The following ABTB1 variants were observed in gnomAD, a reference collection of about 807,000 sequenced individuals.
The protein encoded by ABTB1 is ankyrin repeat and BTB domain containing 1.
In ABTB1, 45 loss-of-function variants were observed where a neutral mutation model predicts 57.1. The observed-to-expected ratio is 0.79, with a 90% confidence interval of 0.62 to 1.01. The LOEUF (loss-of-function observed/expected upper bound fraction) is 1.01, where lower values mean the gene tolerates loss of function less well. ABTB1 is among the 50% of genes least tolerant of loss of function. The probability of loss-of-function intolerance (pLI) is 0.00; values close to 1 mark genes in which losing one functional copy is unlikely to be tolerated. For missense variants in ABTB1, 630 were observed against 666.3 expected (o/e 0.95, Z 0.60); for synonymous variants, 302 against 275.4 (o/e 1.10, Z -0.95).
chr3:127,675,967 C>A lies in ABTB1; in HGVS notation c.176-3C>A. Reference sequence around the variant, plus strand: ...GCTAACTGGTGAGCCCTGCCTCCCCCAGGAGCCCGCTGCGAGGCCAACACC... The same window carrying A: ...GCTAACTGGTGAGCCCTGCCTCCCCAAGGAGCCCGCTGCGAGGCCAACACC... On this transcript the variant is annotated splice_region_variant and splice_polypyrimidine_tract_variant and intron_variant, in intron 3 of 11. Transcript: ENST00000232744. 1 of 1,604,324 alleles carries A rather than the reference C, an allele frequency of 6.2e-7. No homozygotes were observed. The highest frequency in any genetic ancestry group is 8.5e-7 in the Non-Finnish European group (1 of 1,173,414).
chr3:127,674,464 G>A lies in ABTB1; in HGVS notation c.119+11G>A. ...GGACAGCACCCCCTTGTGAGTGCTGGAGAGAGGGGTGGGGAGGGTGGGGGT... is the reference window on the plus strand; with the variant it reads ...GGACAGCACCCCCTTGTGAGTGCTGAAGAGAGGGGTGGGGAGGGTGGGGGT... On this transcript the variant is annotated intron_variant, in intron 2 of 11. Coordinates refer to ENST00000232744, the MANE Select transcript of ABTB1 (RefSeq NM_172027.3). The A allele has an allele frequency of 9.5e-7, 1 of 1,054,188 alleles. No homozygotes were observed. The highest frequency in any genetic ancestry group is 2.2e-4 in the Middle Eastern group (1 of 4,504). The allele number at this position is 1,054,188 out of a possible 1,614,324, so 65.3% of individuals were successfully genotyped here. A position where few individuals can be genotyped will look rare whatever the true frequency, so the allele number is the denominator to read the frequency against.
At chr3:127,674,710 A>G in intron 3 of ABTB1, 110 bp downstream of exon 3, 3 of 1,318,922 alleles carry the variant, frequency 2.3e-6, no homozygotes, top group Admixed American at 3.5e-5. Context: ...TTTGCAAAGC[A>G]CCACGATTCC....
chr3:127,678,201 G>T, intron 10 of ABTB1: 1 of 262,352 alleles, frequency 3.8e-6, no homozygotes, highest in Admixed American at 4.9e-5. Flanking sequence ...TTCCCTTGCT[G>T]CCTGCCTCTG....
In ABTB1 at chr3:127,676,560, C is replaced by T. The variant is rs755421054; in HGVS notation, c.505C>T (p.Leu169=). 1 of 1,613,930 alleles carries T rather than the reference C, an allele frequency of 6.2e-7. No homozygotes were observed. Among genetic ancestry groups the T allele is most frequent in the Non-Finnish European group, 8.5e-7 (1 of 1,180,004 alleles). Residue 169 remains leucine, a synonymous_variant, in exon 6 of 12, where the codon CTG becomes TTG. Transcript: ENST00000232744. The surrounding 1 kb of genome is among the most constrained non-coding windows in gnomAD (Gnocchi z 5.4). ...GATCAACCCCGTGGCCTTTGGGGCC[C>T]TGCTGCAGTACCTGTACACAGGTGA... The part of the protein sequence containing the change: ...PLINPVAFGA[L]LQYLYTGRLD...
At position 127,680,066 on chromosome 3, in the gene ABTB1, A is replaced by C; in HGVS notation, c.1111A>C (p.Ser371Arg). 1.2e-6 allele frequency: 2 copies of C among 1,613,818 alleles called. No homozygotes were observed. The highest frequency in any genetic ancestry group is 1.7e-6 in the Non-Finnish European group (2 of 1,180,028). ...LPGLKRLCGR[S>R]LAQMLDEDTV... ...AGGCCTGAAGAGGCTGTGCGGCCGC[A>C]GCCTGGCTCAGATGCTAGACGAGGA... Residue 371 changes from serine (S) to arginine (R), a missense_variant, in exon 11 of 12, where the codon AGC (serine) becomes CGC (arginine). Around this residue, in one of 3 missense-constraint regions of ABTB1, gnomAD observed 579 missense variants for 585.9 expected, o/e 0.99. Transcript: ENST00000232744.
intron 1 of ABTB1, chr3:127,674,131 G>A: frequency 1.9e-6 from 1 of 528,984 alleles, no homozygotes; most frequent in South Asian, 2.0e-5. Context: ...CTCGGCACTG[G>A]CTCTGGCTTC....
intron 1 of ABTB1, 124 bp downstream of exon 1, chr3:127,673,205 G>T: frequency 9.1e-7 from 1 of 1,103,490 alleles, no homozygotes; most frequent in South Asian, 2.2e-5. Flanking sequence ...ACAGCCCTCG[G>T]AGCGCCCCCG....
intron 1 of ABTB1, 23 bp downstream of exon 1, chr3:127,673,104 G>T (rs1193165943): frequency 7.9e-6 from 12 of 1,519,316 alleles, no homozygotes; most frequent in Non-Finnish European, 9.7e-6. Context: ...CAGTCCCGGG[G>T]AGGGTGCGGG....
rs150576233 is a variant in ABTB1 at position 127,679,112 on chromosome 3, C to T, written c.1030-873C>T. The T allele has an allele frequency of 3.8e-3, 623 of 165,984 alleles. 2 individuals are homozygous for T. The highest frequency in any genetic ancestry group is 0.014 in the African/African-American group (584 of 41,654). The allele number at this position is 165,984 out of a possible 1,614,324, so 10.3% of individuals were successfully genotyped here. A position where few individuals can be genotyped will look rare whatever the true frequency, so the allele number is the denominator to read the frequency against. On this transcript the variant is annotated intron_variant, in intron 10 of 11. Transcript: ENST00000232744. ...GAGAAGCTCCCTCTTCAAGGAGCCT[C>T]GCCACCCAAAGGGCACCTTGTCTCA...
At chr3:127,674,687 G>C in intron 3 of ABTB1, 87 bp downstream of exon 3, 2 of 1,493,082 alleles carry the variant, frequency 1.3e-6, no homozygotes, top group Non-Finnish European at 1.9e-6. Context: ...GCATTCAAAG[G>C]CCTTGATACA....
chr3:127,675,451 A>AT lies in ABTB1; in HGVS notation c.176-511dup, dbSNP rs200884492. On this transcript the variant is annotated intron_variant, in intron 3 of 11. Transcript: ENST00000232744. ...ACCACCACGCCCGGCAAGTTTTTGTATTTTTTTTGCAGAGATGGTGTCTCA... is the reference window on the plus strand; with the variant it reads ...ACCACCACGCCCGGCAAGTTTTTGTATTTTTTTTTGCAGAGATGGTGTCTCA... 2.4e-3 allele frequency: 379 copies of AT among 158,900 alleles called. 2 individuals are homozygous for AT. Among genetic ancestry groups the AT allele is most frequent in the African/African-American group, 7.9e-3 (326 of 41,058 alleles). 9.8% of individuals were successfully genotyped at this position (158,900 alleles called of 1,614,324 possible).
intron 3 of ABTB1, among the ~76,000 whole-genome samples, chr3:127,674,915 C>A (rs1011007899): frequency 2.6e-5 from 4 of 152,218 alleles, no homozygotes; most frequent in African/African-American, 9.6e-5. Flanking sequence ...GCTAAAAATC[C>A]TCCAGCAAGT....
intron 10 of ABTB1, 179 bp from the exon 11 acceptor site, chr3:127,679,806 T>A: frequency 3.4e-5 from 12 of 354,532 alleles, no homozygotes; most frequent in East Asian, 7.6e-5. Context: ...TGCAGATCCC[T>A]GTGGGAATCT....
chr3:127,676,229 G>C lies in ABTB1; in HGVS notation c.321-43G>C, dbSNP rs1441064418. The C allele has an allele frequency of 1.9e-6, 3 of 1,605,760 alleles. No homozygotes were observed. In the Admixed American group the frequency reaches 5.0e-5, roughly 27 times the overall value. On this transcript the variant is annotated intron_variant, in intron 4 of 11. Coordinates refer to ENST00000232744, the MANE Select transcript of ABTB1 (RefSeq NM_172027.3). The surrounding 1 kb of genome is among the most constrained non-coding windows in gnomAD (Gnocchi z 5.4). ...TCTGAGTGCTCCGAGGAATGGGGTG[G>C]GGCTGTGCCAAGTATCCTCCCTCCT...
chr3:127,673,922 G>A (rs959156154), intron 1 of ABTB1, among the ~76,000 whole-genome samples: 4 of 152,178 alleles, frequency 2.6e-5, no homozygotes, highest in African/African-American at 9.7e-5. Flanking sequence ...CTCACCTTCC[G>A]CATCCCATCA....
rs370432755 is a variant in ABTB1, at chr3:127,676,292, A to G, written c.341A>G (p.His114Arg). 71 of 1,613,786 alleles carry G rather than the reference A, an allele frequency of 4.4e-5. No individual in the cohort carries two copies. The South Asian group carries it at 5.9e-4, about 13-fold the overall frequency. Residue 114 changes from histidine to arginine, a missense_variant, in exon 5 of 12, where the codon CAC becomes CGC. Around this residue, in one of 3 missense-constraint regions of ABTB1, gnomAD observed 579 missense variants for 585.9 expected, o/e 0.99. Transcript: ENST00000232744. The surrounding 1 kb of genome is among the most constrained non-coding windows in gnomAD (Gnocchi z 5.4). ...FLQRLLEQGIHSDVVFVVHGK... is the reference protein window; with the variant it reads ...FLQRLLEQGIRSDVVFVVHGK... ...CCCAGGCTTCTAGAGCAGGGCATCC[A>G]CAGTGACGTGGTCTTTGTAGTACAC...
In ABTB1 at chr3:127,674,438, G is replaced by A. The variant is rs763590394; in HGVS notation, c.104G>A (p.Trp35Ter). The A allele has an allele frequency of 1.2e-6, 2 of 1,613,392 alleles. No individual in the cohort carries two copies. Among genetic ancestry groups the A allele is most frequent in the Non-Finnish European group, 1.7e-6 (2 of 1,179,760 alleles). The part of the protein sequence containing the change: ...RDVEVNVRDK[W>*]DSTPLYYACL... Reference sequence around the variant, plus strand: ...GTGGAGGTGAATGTGCGGGACAAGTGGGACAGCACCCCCTTGTGAGTGCTG... The same window carrying A: ...GTGGAGGTGAATGTGCGGGACAAGTAGGACAGCACCCCCTTGTGAGTGCTG... Residue 35 changes from tryptophan to a stop codon, truncating the protein, a stop_gained, in exon 2 of 12, where the codon TGG becomes TAG. Coordinates refer to ENST00000232744, the MANE Select transcript of ABTB1 (RefSeq NM_172027.3). LOFTEE classifies it high-confidence loss of function.
chr3:127,677,401 C>G, intron 8 of ABTB1, 64 bp from the exon 9 acceptor site: 2 of 1,590,440 alleles, frequency 1.3e-6, no homozygotes, highest in Non-Finnish European at 1.7e-6. Flanking sequence ...CTTCCCTTTT[C>G]TGAACCTAGT....
Position 127,680,377 on chromosome 3 carries a change from G to A in ABTB1, c.1339G>A (p.Val447Met), listed in dbSNP as rs367772067. 6 of 1,608,306 alleles carry A rather than the reference G, an allele frequency of 3.7e-6. No homozygotes were observed. The highest frequency in any genetic ancestry group is 2.7e-5 in the African/African-American group (2 of 74,906). The change falls in exon 12 of 12, where the codon GTG becomes ATG. Residue 447 changes from valine (V) to methionine (M), a missense_variant. Around this residue, in one of 3 missense-constraint regions of ABTB1, gnomAD observed 43 missense variants for 56.1 expected, o/e 0.77. Coordinates refer to ENST00000232744, the MANE Select transcript of ABTB1 (RefSeq NM_172027.3). ...IPLVDDIRFHVASTVQTYSAI... is the reference protein window; with the variant it reads ...IPLVDDIRFHMASTVQTYSAI... ...GCTGGTGGACGACATCCGCTTCCAC[G>A]TGGCCAGCACGGTGCAGACCTACAG... is the stretch of plus-strand genomic sequence containing the variant.
Sources: gnomAD v4.1 joint callset for allele counts (sites outside exome capture counted in the v4.1 genomes callset) on GRCh38, gnomAD v4.1.1 for gene constraint, gnomAD v4.1.1 regional missense constraint, Gnocchi (gnomAD v3.1) non-coding constraint, MANE v1.5 for transcripts, NCBI Gene and HGNC (gene_info 2026-07-23, HGNC 2026-07-21) for gene names.